Variants in CCBE1 observed in about 807,000 individuals in gnomAD.
The protein encoded by CCBE1 is collagen and calcium-binding EGF domain-containing protein 1.
Under a neutral mutation model 50.0 loss-of-function variants are expected in CCBE1, and 37 were observed. The observed-to-expected ratio is 0.74, with a 90% CI of 0.57 to 0.97. CCBE1 has a LOEUF of 0.97. Among genes scored for constraint, CCBE1 ranks in the 50% least tolerant of loss-of-function variants. CCBE1 has a pLI of 0.00. For missense variants in CCBE1, 538 were observed against 523.8 expected (o/e 1.03, Z -0.26); for synonymous variants, 234 against 203.7 (o/e 1.15, Z -1.27).
At chr18:59,571,457 T>C (rs2052913543) in intron 2 of CCBE1, among the ~76,000 whole-genome samples, 1 of 112,730 alleles carries the variant, frequency 8.9e-6, no homozygotes, top group Admixed American at 1.3e-4. Flanking sequence ...GTGGGGAACA[T>C]CACACACCGG....
At chr18:59,629,962 G>A (rs2053831214) in intron 2 of CCBE1, among the ~76,000 whole-genome samples, 1 of 152,116 alleles carries the variant, frequency 6.6e-6, no homozygotes, top group Non-Finnish European at 1.5e-5. Flanking sequence ...CATACTGCAG[G>A]GGCACACTGC....
chr18:59,538,323 T>C (rs780393041), intron 2 of CCBE1, among the ~76,000 whole-genome samples: 3 of 152,220 alleles, frequency 2.0e-5, no homozygotes, highest in Non-Finnish European at 4.4e-5. Context: ...TTAATTTCCA[T>C]TTCTAAATGT....
At position 59,641,604 on chromosome 18, in the gene CCBE1, A is replaced by C. The variant is rs564254691; in HGVS notation, c.212+55025T>G. Among the ~76,000 whole-genome samples, 120 of 152,350 alleles carry C rather than the reference A, an allele frequency of 7.9e-4. 3 individuals carry two copies. In the South Asian group the frequency reaches 0.024, roughly 31 times the overall value. On this transcript the variant is annotated intron_variant, in intron 2 of 10. Coordinates refer to ENST00000439986, the MANE Select transcript of CCBE1 (RefSeq NM_133459.4). ...ACATGTACCCCTGAACCTAAGTTAG[A>C]AATAAAAGTGCAAATGTCCAAGAAC...
intron 2 of CCBE1, among the ~76,000 whole-genome samples, chr18:59,650,652 G>A (rs974329475): frequency 9.9e-5 from 15 of 151,132 alleles, no homozygotes; most frequent in Admixed American, 5.3e-4. Flanking sequence ...TTCCAGAACC[G>A]CACTTCTCCC....
At chr18:59,692,955 A>AACACACACACAC (rs1568276448) in intron 2 of CCBE1, among the ~76,000 whole-genome samples, 30 of 143,180 alleles carry the variant, frequency 2.1e-4, no homozygotes, top group East Asian at 1.1e-3. Flanking sequence ...GTCAAGCCAA[A>AACACACACACAC]GCACACACAC....
chr18:59,593,520 C>G (rs1345412989), intron 2 of CCBE1, among the ~76,000 whole-genome samples: 1 of 152,228 alleles, frequency 6.6e-6, no homozygotes, highest in Non-Finnish European at 1.5e-5. Context: ...CATTGCCATC[C>G]TCCTTCAGTA....
At chr18:59,509,992 CA>C (rs886103922) in intron 2 of CCBE1, among the ~76,000 whole-genome samples, 1 of 152,020 alleles carries the variant, frequency 6.6e-6, no homozygotes, top group African/African-American at 2.4e-5. Context: ...AGAAGCCAGC[CA>C]AAAAAACATC....
chr18:59,488,209 T>C (rs1441682283), intron 2 of CCBE1, among the ~76,000 whole-genome samples: 2 of 152,208 alleles, frequency 1.3e-5, no homozygotes, highest in Admixed American at 6.5e-5. Flanking sequence ...AGGAAGTTAC[T>C]GGGTAACGGA....
chr18:59,568,938 ACCTCCACCTTAGT>A (rs1485688738), intron 2 of CCBE1, among the ~76,000 whole-genome samples: 4 of 152,034 alleles, frequency 2.6e-5, no homozygotes, highest in Non-Finnish European at 1.5e-5. Flanking sequence ...CCCACCTGCC[ACCTCCACCTTAGT>A]CCTGCCTGAG....
chr18:59,535,217 C>T (rs368005561), intron 2 of CCBE1, among the ~76,000 whole-genome samples: 11 of 152,258 alleles, frequency 7.2e-5, no homozygotes, highest in Admixed American at 3.9e-4. Context: ...AGACTGTCAA[C>T]GCTGGTGAGC....
At chr18:59,463,725 C>T (rs1911604126) in intron 5 of CCBE1, among the ~76,000 whole-genome samples, 1 of 152,200 alleles carries the variant, frequency 6.6e-6, no homozygotes, top group South Asian at 2.1e-4. Context: ...CAACCTAACC[C>T]CCAGCAGTAT....
intron 2 of CCBE1, among the ~76,000 whole-genome samples, chr18:59,616,824 G>A (rs995692270): frequency 2.0e-4 from 30 of 152,346 alleles, no homozygotes; most frequent in African/African-American, 7.2e-4. Flanking sequence ...TTCAAAGCCT[G>A]TTCGGACGGA....
At chr18:59,674,126 T>C (rs1441289615) in intron 2 of CCBE1, among the ~76,000 whole-genome samples, 1 of 152,220 alleles carries the variant, frequency 6.6e-6, no homozygotes, top group Non-Finnish European at 1.5e-5. Flanking sequence ...CAGAACTTGT[T>C]ATATACCCAA....
chr18:59,666,897 G>A (rs142274615), intron 2 of CCBE1, among the ~76,000 whole-genome samples: 1,577 of 152,208 alleles, frequency 0.01, 9 homozygotes, highest in African/African-American at 0.013. Context: ...CCTGGGAGGC[G>A]GAGGTTGCAG....
chr18:59,496,487 A>G (rs754701958), intron 2 of CCBE1, among the ~76,000 whole-genome samples: 89 of 152,192 alleles, frequency 5.8e-4, no homozygotes, highest in Non-Finnish European at 1.1e-3. Context: ...TACAGGGTAT[A>G]GAAGGAATTA....
intron 2 of CCBE1, among the ~76,000 whole-genome samples, chr18:59,689,331 G>A (rs1039194957): frequency 6.6e-6 from 1 of 152,208 alleles, no homozygotes; most frequent in Non-Finnish European, 1.5e-5. Flanking sequence ...AAGAAGGAAA[G>A]GTCTAGAACG....
chr18:59,622,987 A>G lies in CCBE1; in HGVS notation c.212+73642T>C, dbSNP rs2053733309. ...TAAACCCACAGAACATACAGTGACA[A>G]GAGTGAAAACTAACATGAACTATGT... On this transcript the variant is annotated intron_variant, in intron 2 of 10. Coordinates refer to ENST00000439986, the MANE Select transcript of CCBE1 (RefSeq NM_133459.4). 3.9e-5 allele frequency among the ~76,000 whole-genome samples: 6 copies of G among 152,238 alleles called. No individual in the cohort carries two copies. The South Asian group carries it at 1.2e-3, about 32-fold the overall frequency.
At position 59,479,603 on chromosome 18, in the gene CCBE1, C is replaced by T. The variant is rs529488760; in HGVS notation, c.265+583G>A. ...GTAAGAACTAAGGCTTAGAAAGTAACCTGAACTTGCCCAAGGTCAAAGCTA... is the reference window on the plus strand; with the variant it reads ...GTAAGAACTAAGGCTTAGAAAGTAATCTGAACTTGCCCAAGGTCAAAGCTA... On this transcript the variant is annotated intron_variant, in intron 3 of 10. Coordinates refer to ENST00000439986, the MANE Select transcript of CCBE1 (RefSeq NM_133459.4). Among the ~76,000 whole-genome samples, 150 of 152,322 alleles carry T rather than the reference C, an allele frequency of 9.8e-4. 1 individual carries two copies. The highest frequency in any genetic ancestry group is 3.4e-3 in the African/African-American group (142 of 41,578).
chr18:59,595,432 A>AC (rs915966067), intron 2 of CCBE1, among the ~76,000 whole-genome samples: 20 of 152,252 alleles, frequency 1.3e-4, no homozygotes, highest in South Asian at 1.2e-3. Context: ...GGTAATACCA[A>AC]CCCTGTGTCC....
Sources: allele counts gnomAD v4.1 joint callset (sites outside exome capture counted in the v4.1 genomes callset), GRCh38; gene constraint gnomAD v4.1.1; transcripts MANE v1.5; gene names NCBI Gene and HGNC (gene_info 2026-07-23, HGNC 2026-07-21).